The following BLK variants were observed in gnomAD, a reference collection of about 807,000 sequenced individuals.
BLK encodes the protein BLK proto-oncogene, Src family tyrosine kinase.
Under a neutral mutation model 61.8 loss-of-function variants are expected in BLK, and 64 were observed. The observed-to-expected ratio is 1.03, with a 90% CI of 0.85 to 1.27. BLK has a LOEUF of 1.27. Ranked by LOEUF, BLK falls within the 50% of genes most tolerant of loss-of-function variation. The pLI, the probability that BLK is intolerant of heterozygous loss-of-function variation, is 0.00. For synonymous variants in BLK, 351 were observed against 272.0 expected (o/e 1.29, Z -2.86); for missense variants, 853 against 660.5 (o/e 1.29, Z -3.19).
chr8:11,518,635 C>T (rs1218256746), intron 1 of BLK, among the ~76,000 whole-genome samples: 1 of 152,172 alleles, frequency 6.6e-6, no homozygotes, highest in Non-Finnish European at 1.5e-5. Context: ...GCTTCACCCG[C>T]ACCCCACAAT....
chr8:11,503,373 A>T (rs1798639975), intron 1 of BLK, among the ~76,000 whole-genome samples: 1 of 152,040 alleles, frequency 6.6e-6, no homozygotes, highest in Non-Finnish European at 1.5e-5. Context: ...TATGGCTTTT[A>T]TCTGGTTTCC....
chr8:11,561,068 G>A lies in BLK; in HGVS notation c.1030-234G>A, dbSNP rs1400586369. 4.4e-6 allele frequency: 3 copies of A among 686,562 alleles called. No individual in the cohort carries two copies. In the Admixed American group the frequency reaches 6.1e-5, roughly 14 times the overall value. The allele number at this position is 686,562 out of a possible 1,614,324, so 42.5% of individuals were successfully genotyped here. On this transcript the variant is annotated intron_variant, in intron 10 of 12. Coordinates refer to ENST00000259089, the MANE Select transcript of BLK (RefSeq NM_001715.3). ...GCTGTGTGGAGCGAGAACGAGGAGG[G>A]GGAGGGGCACAGGTAGCCCCTGTGT...
At chr8:11,543,449 G>T (rs1252719032) in intron 2 of BLK, 102 bp downstream of exon 2, 23 of 1,484,084 alleles carry the variant, frequency 1.5e-5, no homozygotes, top group Non-Finnish European at 2.0e-5. Context: ...CTTCCTGATA[G>T]GGATGTAACG....
intron 1 of BLK, among the ~76,000 whole-genome samples, chr8:11,495,304 T>C (rs927837752): frequency 1.4e-4 from 13 of 93,272 alleles, no homozygotes; most frequent in Admixed American, 2.5e-4. Flanking sequence ...TAAGGAATTG[T>C]GCGTTTGCAG....
intron 1 of BLK, among the ~76,000 whole-genome samples, chr8:11,504,308 G>A (rs1050545876): frequency 1.3e-5 from 2 of 148,620 alleles, no homozygotes; most frequent in East Asian, 2.0e-4. Flanking sequence ...GAGCAACAGA[G>A]CGAGATTCCA....
intron 1 of BLK, among the ~76,000 whole-genome samples, chr8:11,539,457 G>A (rs1800276897): frequency 6.6e-6 from 1 of 152,010 alleles, no homozygotes; most frequent in Non-Finnish European, 1.5e-5. Flanking sequence ...TTTTTCGGGG[G>A]AGGGGATTGT....
intron 1 of BLK, among the ~76,000 whole-genome samples, chr8:11,504,364 G>GAAGA (rs1301119708): frequency 3.3e-5 from 1 of 30,406 alleles, no homozygotes; most frequent in African/African-American, 1.4e-4. Flanking sequence ...AGGAAGGAAG[G>GAAGA]AAGAAAGAAA....
intron 11 of BLK, 47 bp downstream of exon 11, chr8:11,561,499 C>T: frequency 6.2e-7 from 1 of 1,600,292 alleles, no homozygotes; most frequent in Non-Finnish European, 8.5e-7. Flanking sequence ...CCTTATCTTT[C>T]CCAGCTCCTC....
At chr8:11,538,434 A>G (rs1800228107) in intron 1 of BLK, among the ~76,000 whole-genome samples, 1 of 152,224 alleles carries the variant, frequency 6.6e-6, no homozygotes, top group African/African-American at 2.4e-5. Context: ...TAGAGACCTG[A>G]GGTACTCATG....
chr8:11,525,744 G>A (rs1332925418), intron 1 of BLK, among the ~76,000 whole-genome samples: 1 of 152,010 alleles, frequency 6.6e-6, no homozygotes, highest in African/African-American at 2.4e-5. Context: ...GCTTTTGTGG[G>A]GTTTTTTGTT....
chr8:11,525,492 T>G (rs201480324), intron 1 of BLK, among the ~76,000 whole-genome samples: 1 of 6 alleles, frequency 0.17, no homozygotes, highest in Non-Finnish European at 0.17. Flanking sequence ...CAATTTACTC[T>G]TTTCATGTAA....
At chr8:11,500,045 A>G (rs1174911591) in intron 1 of BLK, among the ~76,000 whole-genome samples, 1 of 152,194 alleles carries the variant, frequency 6.6e-6, no homozygotes, top group Non-Finnish European at 1.5e-5. Flanking sequence ...GGTGCTCACT[A>G]AGGATTAGTT....
intron 1 of BLK, among the ~76,000 whole-genome samples, chr8:11,521,426 G>C (rs1226667962): frequency 2.6e-5 from 4 of 152,154 alleles, no homozygotes; most frequent in African/African-American, 9.7e-5. Context: ...GAGTAGCTGG[G>C]ACTACAGGCG....
At chr8:11,520,355 T>C (rs1465851121) in intron 1 of BLK, among the ~76,000 whole-genome samples, 1 of 151,450 alleles carries the variant, frequency 6.6e-6, no homozygotes, top group Non-Finnish European at 1.5e-5. Flanking sequence ...TGCATGCCTG[T>C]AGTCCCAGCT....
At chr8:11,557,470 C>T (rs763347350) in intron 9 of BLK, among the ~76,000 whole-genome samples, 28 of 152,222 alleles carry the variant, frequency 1.8e-4, no homozygotes, top group African/African-American at 3.4e-4. Flanking sequence ...ATCCATCCCT[C>T]CCAGCTTTCT....
chr8:11,514,816 G>C (rs890028829), intron 1 of BLK, among the ~76,000 whole-genome samples: 1 of 152,134 alleles, frequency 6.6e-6, no homozygotes, highest in African/African-American at 2.4e-5. Flanking sequence ...TCCTGGCCCT[G>C]TTTCATACTT....
At chr8:11,520,476 CAAAAAAAAAAAAAAA>C (rs71203393) in intron 1 of BLK, among the ~76,000 whole-genome samples, 1 of 69,682 alleles carries the variant, frequency 1.4e-5, no homozygotes, top group Non-Finnish European at 2.8e-5. Flanking sequence ...GACCTTGTCT[CAAAAAAAAAAAAAAA>C]AAAAAAAAAA....
intron 2 of BLK, 38 bp from the exon 3 acceptor site, chr8:11,546,014 G>A (rs1186140113): frequency 3.1e-6 from 5 of 1,609,874 alleles, no homozygotes; most frequent in African/African-American, 1.3e-5. Context: ...CCACGCAGCA[G>A]GGACTGAAAT....
At chr8:11,538,280 C>A (rs1457235834) in intron 1 of BLK, among the ~76,000 whole-genome samples, 1 of 152,232 alleles carries the variant, frequency 6.6e-6, no homozygotes, top group Non-Finnish European at 1.5e-5. Context: ...TGCGTTTTGC[C>A]TCTGTCTGGA....
Sources: allele counts gnomAD v4.1 joint callset (sites outside exome capture counted in the v4.1 genomes callset), GRCh38; gene constraint gnomAD v4.1.1; transcripts MANE v1.5; gene names NCBI Gene and HGNC (gene_info 2026-07-23, HGNC 2026-07-21).